AKAP7: variants seen among roughly 807,000 people sequenced by gnomAD.
The protein encoded by AKAP7 is A-kinase anchoring protein 7.
AKAP7 carries 39 observed loss-of-function variants against 39.5 expected under a neutral mutation model. The ratio of observed to expected loss-of-function variants is 0.99; its 90% CI spans 0.76 to 1.29. The LOEUF is 1.29. Ranked by LOEUF, AKAP7 falls within the 50% of genes most tolerant of loss-of-function variation. The probability of loss-of-function intolerance (pLI) is 0.00; values close to 1 mark genes in which losing one functional copy is unlikely to be tolerated. For synonymous variants in AKAP7, 140 were observed against 139.1 expected (o/e 1.01, Z -0.05); for missense variants, 414 against 407.7 (o/e 1.02, Z -0.13).
chr6:131,128,598 G>A, the AKAP7 span, among the ~76,000 whole-genome samples: 10 of 152,056 alleles, frequency 6.6e-5, no homozygotes, highest in Non-Finnish European at 1.3e-4. Flanking sequence ...CAAGGCAGGC[G>A]GATCCCCTGA....
In AKAP7 at chr6:131,200,881, T is replaced by C. The variant is rs188079151; in HGVS notation, c.702+1308T>C. The C allele has an allele frequency of 9.8e-5, 15 of 152,310 alleles. 1 individual carries two copies. The East Asian group carries it at 2.7e-3, about 27-fold the overall frequency. The allele number at this position is 152,310 out of a possible 1,614,324, so 9.4% of individuals were successfully genotyped here. On this transcript the variant is annotated intron_variant, in intron 6 of 7. Transcript: ENST00000431975. ...TGTCCTCTTCCAAGTGGTTTCAAACTTAATCACAGAATGACAATCAGTGGT... is the reference window on the plus strand; with the variant it reads ...TGTCCTCTTCCAAGTGGTTTCAAACCTAATCACAGAATGACAATCAGTGGT...
intron 5 of AKAP7, among the ~76,000 whole-genome samples, chr6:131,197,065 C>T (rs1476020198): frequency 2.0e-5 from 3 of 152,110 alleles, no homozygotes; most frequent in South Asian, 4.1e-4. Flanking sequence ...TTCTTTCTCT[C>T]TTTTATATTC....
Position 131,282,704 on chromosome 6 carries a change from C to T in AKAP7, c.*978C>T. 1 of 919,098 alleles carries T rather than the reference C, an allele frequency of 1.1e-6. No individual in the cohort carries two copies. Among genetic ancestry groups the T allele is most frequent in the East Asian group, 2.8e-5 (1 of 35,858 alleles). 56.9% of individuals were successfully genotyped at this position (919,098 alleles called of 1,614,324 possible). A position where few individuals can be genotyped will look rare whatever the true frequency, so the allele number is the denominator to read the frequency against. On this transcript the variant is annotated 3_prime_UTR_variant, in exon 8 of 8. Coordinates refer to ENST00000431975, the MANE Select transcript of AKAP7 (RefSeq NM_016377.4). ...AAAGAAGTTTCTGATAGTGTCTGCACAACAGCAAACCAACATTTGGTGAGG... is the reference window on the plus strand; with the variant it reads ...AAAGAAGTTTCTGATAGTGTCTGCATAACAGCAAACCAACATTTGGTGAGG...
intron 7 of AKAP7, among the ~76,000 whole-genome samples, chr6:131,224,801 G>T (rs2128301478): frequency 7.6e-6 from 1 of 132,324 alleles, no homozygotes; most frequent in East Asian, 2.2e-4. Context: ...GAATGCAATG[G>T]CTTAATTTTG....
At chr6:131,179,200 G>A (rs919001806) in intron 5 of AKAP7, among the ~76,000 whole-genome samples, 7 of 151,944 alleles carry the variant, frequency 4.6e-5, no homozygotes, top group African/African-American at 1.7e-4. Context: ...TTGAGATGGA[G>A]TCTCGCCCTG....
intron 7 of AKAP7, among the ~76,000 whole-genome samples, chr6:131,246,284 C>A (rs1000540375): frequency 1.5e-4 from 23 of 152,134 alleles, no homozygotes; most frequent in African/African-American, 5.5e-4. Flanking sequence ...TTATTGCTGC[C>A]ATTTTAAACA....
chr6:131,281,904 A>G lies in AKAP7; in HGVS notation c.*178A>G. 11 of 1,257,748 alleles carry G rather than the reference A, an allele frequency of 8.7e-6. No homozygotes were observed. The highest frequency in any genetic ancestry group is 1.0e-5 in the Non-Finnish European group (10 of 998,692). 77.9% of individuals were successfully genotyped at this position (1,257,748 alleles called of 1,614,324 possible). A position where few individuals can be genotyped will look rare whatever the true frequency, so the allele number is the denominator to read the frequency against. Reference sequence around the variant, plus strand: ...ATTGCTGAAACACAACAGAAGAAAAATGGAGTGCTGGGACTGGCAGAGGAA... The same window carrying G: ...ATTGCTGAAACACAACAGAAGAAAAGTGGAGTGCTGGGACTGGCAGAGGAA... On this transcript the variant is annotated 3_prime_UTR_variant, in exon 8 of 8. Coordinates refer to ENST00000431975, the MANE Select transcript of AKAP7 (RefSeq NM_016377.4). The surrounding 1 kb of genome is among the most constrained non-coding windows in gnomAD (Gnocchi z 4.0).
intron 7 of AKAP7, chr6:131,242,173 G>A (rs1246337511): frequency 2.0e-6 from 2 of 984,814 alleles, no homozygotes; most frequent in African/African-American, 1.7e-5. Context: ...TATTACTAGA[G>A]TAATGATTCA....
intron 3 of AKAP7, among the ~76,000 whole-genome samples, chr6:131,162,637 C>T (rs1296961446): frequency 6.6e-6 from 1 of 152,128 alleles, no homozygotes; most frequent in Non-Finnish European, 1.5e-5. Context: ...GAGGTTTTGT[C>T]GTTGTTCGTC....
At chr6:131,169,089 GA>G (rs11304126) in intron 4 of AKAP7, 23 bp from the exon 5 acceptor site, 324,685 of 1,569,744 alleles carry the variant, frequency 0.21, 36,494 homozygotes, top group Non-Finnish European at 0.23. Flanking sequence ...ATGTGTTACT[GA>G]AAAATGTATT....
chr6:131,145,228 T>C (rs1490933471), intron 1 of AKAP7, 57 bp from the exon 2 acceptor site: 2 of 1,178,528 alleles, frequency 1.7e-6, no homozygotes, highest in East Asian at 2.9e-5. Context: ...ATTTAGGATA[T>C]GTTTAAATAA....
At chr6:131,203,180 A>G (rs1312537215) in intron 6 of AKAP7, among the ~76,000 whole-genome samples, 1 of 152,156 alleles carries the variant, frequency 6.6e-6, no homozygotes, top group Non-Finnish European at 1.5e-5. Context: ...GATTTCATTT[A>G]TTTACTTTAC....
intron 5 of AKAP7, among the ~76,000 whole-genome samples, chr6:131,170,204 G>A (rs890552860): frequency 6.7e-6 from 1 of 149,688 alleles, no homozygotes; most frequent in Non-Finnish European, 1.5e-5. Flanking sequence ...GCTAGATGAC[G>A]AGTTAGTGGG....
intron 7 of AKAP7, among the ~76,000 whole-genome samples, chr6:131,225,800 C>G (rs1002149981): frequency 6.6e-5 from 10 of 152,064 alleles, no homozygotes; most frequent in African/African-American, 2.2e-4. Context: ...TTAATTGGTT[C>G]ATTTTTAGTG....
chr6:131,262,188 G>A (rs1813401820), intron 7 of AKAP7, among the ~76,000 whole-genome samples: 1 of 152,206 alleles, frequency 6.6e-6, no homozygotes, highest in Non-Finnish European at 1.5e-5. Context: ...GGAACCAGTT[G>A]TTGGGGCAAC....
intron 5 of AKAP7, among the ~76,000 whole-genome samples, chr6:131,189,292 T>C (rs1585047612): frequency 6.6e-6 from 1 of 152,244 alleles, no homozygotes; most frequent in East Asian, 1.9e-4. Context: ...TGAACCTTTG[T>C]AGTTTGAGGA....
intron 5 of AKAP7, among the ~76,000 whole-genome samples, chr6:131,169,936 T>G (rs1803869396): frequency 6.6e-6 from 1 of 152,104 alleles, no homozygotes; most frequent in African/African-American, 2.4e-5. Flanking sequence ...TCTGTGTTTT[T>G]TTTTCTTTCT....
At chr6:131,168,776 A>G (rs867733209) in intron 4 of AKAP7, among the ~76,000 whole-genome samples, 1 of 152,108 alleles carries the variant, frequency 6.6e-6, no homozygotes, top group East Asian at 1.9e-4. Flanking sequence ...TCTTGTAGGT[A>G]CTCAGTTTTT....
intron 7 of AKAP7, among the ~76,000 whole-genome samples, chr6:131,270,067 T>C (rs962948737): frequency 1.3e-5 from 2 of 152,208 alleles, no homozygotes; most frequent in Non-Finnish European, 2.9e-5. Flanking sequence ...GGGAAGAAAT[T>C]GTTCCCAATA....
Sources: allele counts gnomAD v4.1 joint callset (sites outside exome capture counted in the v4.1 genomes callset), GRCh38; gene constraint gnomAD v4.1.1; non-coding constraint Gnocchi (gnomAD v3.1); transcripts MANE v1.5; gene names NCBI Gene and HGNC (gene_info 2026-07-23, HGNC 2026-07-21).